IP6K3: variants seen among roughly 807,000 people sequenced by gnomAD.
IP6K3 encodes ATP:1D-myo-inositol-hexakisphosphate phosphotransferase.
A neutral mutation model predicts 28.8 loss-of-function variants in IP6K3; 20 were observed. The observed-to-expected ratio is 0.70, with a 90% confidence interval of 0.49 to 1.01. The LOEUF (loss-of-function observed/expected upper bound fraction) is 1.01. Among genes scored for constraint, IP6K3 ranks in the 50% least tolerant of loss-of-function variants. The pLI is 0.00. For synonymous variants in IP6K3, 213 were observed against 221.3 expected (o/e 0.96, Z 0.33); for missense variants, 480 against 537.1 (o/e 0.89, Z 1.05).
In IP6K3 at chr6:33,722,797, C is replaced by T. The variant is rs752619484; in HGVS notation, c.1156G>A (p.Asp386Asn). 3 of 1,614,088 alleles carry T rather than the reference C, an allele frequency of 1.9e-6. No individual in the cohort carries two copies. The highest frequency in any genetic ancestry group is 2.2e-5 in the East Asian group (1 of 44,884). ...AAAATATAGCCAGGGTCTGGTCCATCGTAGGTGGTGTGCTCATTCCAGTAG... is the reference window on the plus strand; with the variant it reads ...AAAATATAGCCAGGGTCTGGTCCATTGTAGGTGGTGTGCTCATTCCAGTAG... The part of the protein sequence containing the change: ...KGYWNEHTTY[D>N]GPDPGYIFGL... The change falls in exon 6 of 6, where the codon GAT (aspartate) becomes AAT (asparagine). Residue 386 changes from aspartate to asparagine, a missense_variant. Asp to Asn is a conservative substitution (Grantham distance 23). Transcript: ENST00000293756.
At chr6:33,743,054 G>A (rs1416041645) in intron 1 of IP6K3, among the ~76,000 whole-genome samples, 1 of 152,174 alleles carries the variant, frequency 6.6e-6, no homozygotes, top group African/African-American at 2.4e-5. Flanking sequence ...TGCTGCAGCA[G>A]CAGGGCGTCT....
chr6:33,752,282 G>A, the IP6K3 span, among the ~76,000 whole-genome samples: 1,571 of 152,308 alleles, frequency 0.01, 16 homozygotes, highest in Non-Finnish European at 0.017. Context: ...GAGGAAGGTG[G>A]CCAGCTGGGG....
upstream of IP6K3, among the ~76,000 whole-genome samples, chr6:33,747,543 G>C (rs1007938766): frequency 4.6e-5 from 7 of 152,196 alleles, no homozygotes; most frequent in African/African-American, 1.7e-4. The surrounding 1 kb of genome is among the most constrained non-coding windows in gnomAD (Gnocchi z 5.2). Context: ...GGGCATCCTG[G>C]AGGAGCTGAC....
rs1018387862 is a variant in IP6K3, at chr6:33,736,028, A to G, written c.-179-373T>C. ...ACTACAGGTGTGTGCCAGCATGCCC[A>G]ACTAATTTTATATTTTTTGTAGAAA... is the stretch of plus-strand genomic sequence containing the variant. On this transcript the variant is annotated intron_variant, in intron 1 of 5. Transcript: ENST00000293756. Among the ~76,000 whole-genome samples the G allele has an allele frequency of 2.6e-5, 4 of 151,912 alleles. No homozygotes were observed. The East Asian group carries it at 7.8e-4, about 29-fold the overall frequency.
intron 1 of IP6K3, among the ~76,000 whole-genome samples, chr6:33,738,244 C>T (rs761626826): frequency 3.9e-5 from 6 of 152,064 alleles, no homozygotes; most frequent in Non-Finnish European, 7.3e-5. Flanking sequence ...GACTCCTGCC[C>T]CGCACACTTG....
chr6:33,745,810 G>A (rs1398375117), intron 1 of IP6K3, among the ~76,000 whole-genome samples: 3 of 152,146 alleles, frequency 2.0e-5, no homozygotes, highest in Non-Finnish European at 4.4e-5. Flanking sequence ...GTGCTGTGAT[G>A]TCAGAACACT....
At chr6:33,752,790 G>A in the IP6K3 span, among the ~76,000 whole-genome samples, 23 of 152,274 alleles carry the variant, frequency 1.5e-4, no homozygotes, top group Admixed American at 5.9e-4. Context: ...ATGGCTGGGC[G>A]TCTTAACCTC....
chr6:33,752,100 T>C, the IP6K3 span, among the ~76,000 whole-genome samples: 112,687 of 152,218 alleles, frequency 0.74, 43,069 homozygotes, highest in East Asian at 0.96. Context: ...GCCAGGACAG[T>C]GCTCAAGAAG....
Position 33,725,591 on chromosome 6 carries a change from CACT to C in IP6K3, c.612_614del (p.Val205del), listed in dbSNP as rs1307068231. On this transcript the variant is annotated inframe_deletion, in exon 5 of 6. Transcript: ENST00000293756. Reference sequence around the variant, plus strand: ...GGACACAGGGATGCGTGTACTGTGACACTACATTTTCCAGCAACAAGAACCCTA... The same window carrying C: ...GGACACAGGGATGCGTGTACTGTGACACATTTTCCAGCAACAAGAACCCTA... 4 of 1,614,046 alleles carry C rather than the reference CACT, an allele frequency of 2.5e-6. No homozygotes were observed. Among genetic ancestry groups the C allele is most frequent in the South Asian group, 1.1e-5 (1 of 91,076 alleles).
At position 33,735,496 on chromosome 6, in the gene IP6K3, G is replaced by C. The variant is rs1363017964; in HGVS notation, c.-20C>G. The C allele has an allele frequency of 6.2e-7, 1 of 1,602,822 alleles. No individual in the cohort carries two copies. The highest frequency in any genetic ancestry group is 8.5e-7 in the Non-Finnish European group (1 of 1,178,776). On this transcript the variant is annotated 5_prime_UTR_variant, in exon 2 of 6. Coordinates refer to ENST00000293756, the MANE Select transcript of IP6K3 (RefSeq NM_054111.5). ...AACCATGGCGGCAGATGGTGGTGGT[G>C]GGGGGTCCCTGCACAGTCTGCTAGA...
chr6:33,725,733 C>T (rs1766088494), intron 4 of IP6K3, 117 bp from the exon 5 acceptor site: 1 of 782,628 alleles, frequency 1.3e-6, no homozygotes, highest in Non-Finnish European at 2.0e-6. Context: ...CCATTCTTCA[C>T]TCCCATTGCC....
At chr6:33,733,024 T>C (rs530158749) in intron 2 of IP6K3, among the ~76,000 whole-genome samples, 1 of 152,292 alleles carries the variant, frequency 6.6e-6, no homozygotes, top group South Asian at 2.1e-4. Flanking sequence ...GGTCAGTGAG[T>C]GAATCAGCAT....
chr6:33,732,067 C>T (rs1442636341), intron 2 of IP6K3, among the ~76,000 whole-genome samples: 1 of 152,228 alleles, frequency 6.6e-6, no homozygotes, highest in Non-Finnish European at 1.5e-5. Flanking sequence ...TTTATGAGAG[C>T]ATTTACTTGC....
rs200188837 is a variant in IP6K3 at position 33,725,470 on chromosome 6, A to G, written c.736T>C (p.Cys246Arg). 1.3e-3 allele frequency: 2,020 copies of G among 1,612,796 alleles called. 50 individuals are homozygous for G. The South Asian group carries it at 0.018, about 14-fold the overall frequency. ...MRKCAQSTSA[C>R]LGVRICGMQV... ...ATGCCGCAGATGCGCACACCCAGGCAGGCTGAGGTGCTCTGCGCACACTTC... is the reference window on the plus strand; with the variant it reads ...ATGCCGCAGATGCGCACACCCAGGCGGGCTGAGGTGCTCTGCGCACACTTC... The change falls in exon 5 of 6, where the codon TGC (cysteine) becomes CGC (arginine). Residue 246 changes from cysteine (C) to arginine (R), a missense_variant. Cys to Arg is a radical substitution (Grantham distance 180). Transcript: ENST00000293756.
intron 4 of IP6K3, 51 bp from the exon 5 acceptor site, chr6:33,725,667 C>T (rs745916834): frequency 8.6e-5 from 133 of 1,542,798 alleles, no homozygotes; most frequent in Admixed American, 2.3e-4. Flanking sequence ...ACTGCTGCTC[C>T]GCCAGAGGTC....
chr6:33,760,152 C>T, the IP6K3 span, among the ~76,000 whole-genome samples: 1 of 152,214 alleles, frequency 6.6e-6, no homozygotes, highest in East Asian at 1.9e-4. Context: ...GCTGATGCTC[C>T]ATATATACTC....
rs137918873 is a variant in IP6K3, at chr6:33,722,275, G to A, written c.*445C>T. On this transcript the variant is annotated 3_prime_UTR_variant, in exon 6 of 6. Transcript: ENST00000293756. ...CATGAGCTCTGCCTGCCCTTGGAGCGAGCAGTCCATACAAGGAGAAAAACC... is the reference window on the plus strand; with the variant it reads ...CATGAGCTCTGCCTGCCCTTGGAGCAAGCAGTCCATACAAGGAGAAAAACC... 2.0e-3 allele frequency: 323 copies of A among 158,754 alleles called. 2 individuals carry two copies. Among genetic ancestry groups the A allele is most frequent in the African/African-American group, 7.1e-3 (296 of 41,586 alleles). The allele number at this position is 158,754 out of a possible 1,614,324, so 9.8% of individuals were successfully genotyped here.
rs1029415043 is a variant in IP6K3 at position 33,738,836 on chromosome 6, C to T, written c.-179-3181G>A. On this transcript the variant is annotated intron_variant, in intron 1 of 5. Transcript: ENST00000293756. ...GTGCTGGGGCAGGTTTTCCTGTCTC[C>T]CAGGCCTGGTCTACCCCCTGGCCTG... 3.3e-5 allele frequency among the ~76,000 whole-genome samples: 5 copies of T among 152,194 alleles called. No homozygotes were observed. The South Asian group carries it at 1.0e-3, about 32-fold the overall frequency.
In IP6K3 at chr6:33,722,457, T is replaced by C. The variant is rs1172734996; in HGVS notation, c.*263A>G. 6.3e-6 allele frequency: 2 copies of C among 315,452 alleles called. No individual in the cohort carries two copies. The highest frequency in any genetic ancestry group is 4.5e-5 in the Admixed American group (1 of 22,066). The allele number at this position is 315,452 out of a possible 1,614,324, so 19.5% of individuals were successfully genotyped here. A position where few individuals can be genotyped will look rare whatever the true frequency, so the allele number is the denominator to read the frequency against. ...CTCTAACTTGGGCTGCCCCCTCCAG[T>C]GTACTCCAGAAGGTGCCACTTTATC... On this transcript the variant is annotated 3_prime_UTR_variant, in exon 6 of 6. Transcript: ENST00000293756.
Sources: gnomAD v4.1 joint callset for allele counts (sites outside exome capture counted in the v4.1 genomes callset) on GRCh38, gnomAD v4.1.1 for gene constraint, Gnocchi (gnomAD v3.1) non-coding constraint, MANE v1.5 for transcripts, NCBI Gene and HGNC (gene_info 2026-07-23, HGNC 2026-07-21) for gene names.